Variants in NCKAP1 observed in about 807,000 individuals in gnomAD.
The protein encoded by NCKAP1 is NCK associated protein 1, also known as nck-associated protein 1.
A neutral mutation model predicts 151.2 loss-of-function variants in NCKAP1; 21 were observed. That is an observed-to-expected ratio of 0.14 (90% CI 0.10 to 0.20). The LOEUF is 0.20. Among genes scored for constraint, NCKAP1 ranks in the 10% least tolerant of loss-of-function variants. The probability of loss-of-function intolerance (pLI) is 1.00; values close to 1 mark genes in which losing one functional copy is unlikely to be tolerated. For missense variants in NCKAP1, 933 were observed against 1,352.1 expected (o/e 0.69, Z 4.86); for synonymous variants, 484 against 451.8 (o/e 1.07, Z -0.90).
At chr2:182,932,490 C>T (rs1293477295) in intron 26 of NCKAP1, among the ~76,000 whole-genome samples, 1 of 151,994 alleles carries the variant, frequency 6.6e-6, no homozygotes, top group African/African-American at 2.4e-5. Context: ...CTAATGGGTA[C>T]AAGGCTTCTT....
Position 182,953,307 on chromosome 2 carries a change from A to G in NCKAP1, c.2178T>C (p.Tyr726=), listed in dbSNP as rs1246638818. ...FTKSIVGMTM[Y]NQATQEIAKP... ...TTGCAATTTCCTGTGTGGCTTGATT[A>G]TACATAGTCATCCCAACAATTGACC... Residue 726 remains tyrosine, a synonymous_variant, in exon 21 of 31, where the codon TAT becomes TAC. Transcript: ENST00000361354. The G allele has an allele frequency of 6.2e-7, 1 of 1,612,762 alleles. No homozygotes were observed. The highest frequency in any genetic ancestry group is 1.3e-5 in the African/African-American group (1 of 74,886).
intron 1 of NCKAP1, among the ~76,000 whole-genome samples, chr2:183,037,316 T>C (rs560567934): frequency 6.6e-6 from 1 of 152,022 alleles, no homozygotes; most frequent in Admixed American, 6.5e-5. Flanking sequence ...GGGGAAAGAG[T>C]AGAAGGTTGT....
At chr2:182,943,007 T>G (rs1055508410) in intron 23 of NCKAP1, among the ~76,000 whole-genome samples, 3 of 152,156 alleles carry the variant, frequency 2.0e-5, no homozygotes, top group African/African-American at 7.2e-5. Flanking sequence ...ACTATCACAC[T>G]TCCCAGTTCT....
intron 25 of NCKAP1, among the ~76,000 whole-genome samples, chr2:182,935,043 A>G (rs953090748): frequency 6.6e-6 from 1 of 152,174 alleles, no homozygotes; most frequent in East Asian, 1.9e-4. Flanking sequence ...AATTGAAAAT[A>G]CTCTACTGAT....
rs1484896557 is a variant in NCKAP1, at chr2:182,935,308, T to C, written c.2763A>G (p.Gln921=). The change falls in exon 25 of 31, where the codon CAA becomes CAG. Residue 921 remains glutamine (Q), a synonymous_variant. Transcript: ENST00000361354. ...GVILSFRSLA[Q]EALRDVLSYH... ...GGTTTCTTACATCTCTAAGTGCTTCTTGTGCCAATGATCGGAAGGATAAAA... is the reference window on the plus strand; with the variant it reads ...GGTTTCTTACATCTCTAAGTGCTTCCTGTGCCAATGATCGGAAGGATAAAA... 6.3e-7 allele frequency: 1 copy of C among 1,590,562 alleles called. No homozygotes were observed. The highest frequency in any genetic ancestry group is 8.5e-7 in the Non-Finnish European group (1 of 1,170,456).
chr2:182,945,496 C>T (rs1338021536), intron 23 of NCKAP1, among the ~76,000 whole-genome samples: 1 of 152,110 alleles, frequency 6.6e-6, no homozygotes, highest in Admixed American at 6.5e-5. Context: ...TATATACTAA[C>T]TCCAAAAAGA....
chr2:183,032,869 A>C lies in NCKAP1; in HGVS notation c.108+5123T>G, dbSNP rs1272987287. On this transcript the variant is annotated intron_variant, in intron 1 of 30. Transcript: ENST00000361354. The stretch of plus-strand genomic sequence containing the variant: ...AGAGACCAGCCTGGGCAACACGGTG[A>C]AACCCCAACTCTATCAAAAAAAATA... Among the ~76,000 whole-genome samples, 4 of 152,104 alleles carry C rather than the reference A, an allele frequency of 2.6e-5. No individual in the cohort carries two copies. The East Asian group carries it at 5.8e-4, about 22-fold the overall frequency.
At position 183,027,703 on chromosome 2, in the gene NCKAP1, T is replaced by A. The variant is rs961578069; in HGVS notation, c.109-3787A>T. Among the ~76,000 whole-genome samples, 5 of 152,042 alleles carry A rather than the reference T, an allele frequency of 3.3e-5. 1 individual carries two copies. The highest frequency in any genetic ancestry group is 7.2e-5 in the African/African-American group (3 of 41,480). On this transcript the variant is annotated intron_variant, in intron 1 of 30. Transcript: ENST00000361354. ...GATCCTATCTCTACAAAAAAATTTT[T>A]AAAAAAACTTTAAGGTTTCCTACCA...
chr2:182,997,739 T>C (rs559638460), intron 6 of NCKAP1, among the ~76,000 whole-genome samples: 6 of 152,262 alleles, frequency 3.9e-5, no homozygotes, highest in Admixed American at 2.0e-4. Flanking sequence ...AGAGGCCACA[T>C]AGATTCACAG....
At chr2:182,998,829 T>A (rs1575056649) in intron 6 of NCKAP1, among the ~76,000 whole-genome samples, 5 of 51,296 alleles carry the variant, frequency 9.7e-5, no homozygotes, top group Admixed American at 3.6e-4. Context: ...AGAGTAAGAC[T>A]CCAACAAAAA....
intron 2 of NCKAP1, among the ~76,000 whole-genome samples, chr2:183,005,763 G>T (rs763655956): frequency 6.6e-6 from 1 of 151,840 alleles, no homozygotes; most frequent in African/African-American, 2.4e-5. Flanking sequence ...CACTACATAC[G>T]GTAGCCAAAA....
Position 183,016,874 on chromosome 2 carries a change from C to CGG in NCKAP1, c.219+6931_219+6932insCC, listed in dbSNP as rs1423496742. Among the ~76,000 whole-genome samples, 5 of 152,006 alleles carry CGG rather than the reference C, an allele frequency of 3.3e-5. No individual in the cohort carries two copies. The East Asian group carries it at 9.6e-4, about 29-fold the overall frequency. ...TGTTTGGATTAACATGGCATTTGTC[C>CGG]CGGCAGGAAATGTAGACCTGAAGGG... On this transcript the variant is annotated intron_variant, in intron 2 of 30. Coordinates refer to ENST00000361354, the MANE Select transcript of NCKAP1 (RefSeq NM_013436.5).
chr2:182,933,826 A>T (rs1696815304), intron 26 of NCKAP1, among the ~76,000 whole-genome samples: 1 of 152,150 alleles, frequency 6.6e-6, no homozygotes, highest in South Asian at 2.1e-4. Context: ...CTCTCTAAGA[A>T]ATGTGTCAGC....
chr2:182,915,522 G>C lies in NCKAP1; in HGVS notation c.*10180C>G, dbSNP rs1696453608. ...GCAGAGGCATTCATTCTCCAAGGGT[G>C]TTCTATGAGCCTTATTGGTCCTCCC... On this transcript the variant is annotated 3_prime_UTR_variant, in exon 31 of 31. Coordinates refer to ENST00000361354, the MANE Select transcript of NCKAP1 (RefSeq NM_013436.5). 6.6e-6 allele frequency: 1 copy of C among 152,216 alleles called. No individual in the cohort carries two copies. Among genetic ancestry groups the C allele is most frequent in the African/African-American group, 2.4e-5 (1 of 41,452 alleles). The allele number at this position is 152,216 out of a possible 1,614,324, so 9.4% of individuals were successfully genotyped here. A position where few individuals can be genotyped will look rare whatever the true frequency, so the allele number is the denominator to read the frequency against.
In NCKAP1 at chr2:182,921,541, C is replaced by A. The variant is rs571192971; in HGVS notation, c.*4161G>T. The A allele has an allele frequency of 6.6e-6, 1 of 152,268 alleles. No individual in the cohort carries two copies. Among genetic ancestry groups the A allele is most frequent in the East Asian group, 1.9e-4 (1 of 5,182 alleles). The allele number at this position is 152,268 out of a possible 1,614,324, so 9.4% of individuals were successfully genotyped here. A position where few individuals can be genotyped will look rare whatever the true frequency, so the allele number is the denominator to read the frequency against. ...AAGAGGTGACCAAGATGCACCTGCACCAAGAGCACCAAGAGGATTGTCTCA... is the reference window on the plus strand; with the variant it reads ...AAGAGGTGACCAAGATGCACCTGCAACAAGAGCACCAAGAGGATTGTCTCA... On this transcript the variant is annotated 3_prime_UTR_variant, in exon 31 of 31. Transcript: ENST00000361354.
intron 23 of NCKAP1, among the ~76,000 whole-genome samples, chr2:182,950,239 A>T (rs1356868535): frequency 6.6e-6 from 1 of 152,190 alleles, no homozygotes; most frequent in East Asian, 1.9e-4. Context: ...AGAGAGACTC[A>T]AAATAGGCTA....
chr2:182,964,644 C>A (rs749412257), intron 17 of NCKAP1, 32 bp downstream of exon 17: 2 of 1,514,836 alleles, frequency 1.3e-6, no homozygotes, highest in South Asian at 1.3e-5. Flanking sequence ...ACTTTGCATA[C>A]CATATAACTC....
chr2:183,004,877 T>C, intron 2 of NCKAP1, among the ~76,000 whole-genome samples: 1 of 88,906 alleles, frequency 1.1e-5, no homozygotes, highest in Non-Finnish European at 2.2e-5. Flanking sequence ...GAGATGAGAC[T>C]CCATCTCAAA....
intron 14 of NCKAP1, among the ~76,000 whole-genome samples, chr2:182,978,315 T>C (rs1191085156): frequency 1.3e-5 from 2 of 152,188 alleles, no homozygotes; most frequent in Non-Finnish European, 2.9e-5. Flanking sequence ...TTATATGACA[T>C]CAATTTTTGA....
Sources: gnomAD v4.1 joint callset for allele counts (sites outside exome capture counted in the v4.1 genomes callset) on GRCh38, gnomAD v4.1.1 for gene constraint, MANE v1.5 for transcripts, NCBI Gene and HGNC (gene_info 2026-07-23, HGNC 2026-07-21) for gene names.